Variants in GABBR2 observed in about 807,000 individuals in gnomAD.
GABBR2 encodes G-protein coupled receptor 51.
In GABBR2, 23 loss-of-function variants were observed where a neutral mutation model predicts 105.6. The ratio of observed to expected loss-of-function variants is 0.22; its 90% CI spans 0.16 to 0.31. GABBR2 has a LOEUF of 0.31. Ranked by LOEUF, GABBR2 falls within the 10% of genes least tolerant of loss-of-function variation. The pLI, the probability that GABBR2 is intolerant of heterozygous loss-of-function variation, is 1.00. For missense variants in GABBR2, 734 were observed against 1,245.5 expected, an observed-to-expected ratio of 0.59 and a Z score of 6.18; for synonymous variants, 478 against 499.7, an observed-to-expected ratio of 0.96 and a Z score of 0.58.
rs545658584 is a variant in GABBR2 at position 98,615,147 on chromosome 9, G to A, written c.322-37075C>T. Among the ~76,000 whole-genome samples, 3 of 152,320 alleles carry A rather than the reference G, an allele frequency of 2.0e-5. No individual in the cohort carries two copies. In the South Asian group the frequency reaches 6.2e-4, roughly 32 times the overall value. On this transcript the variant is annotated intron_variant, in intron 1 of 18. Transcript: ENST00000259455. ...TGCCTCTCTCACTTTATAGGCTCCT[G>A]AGGCAGGATGCCACCCAACTCACCC...
At chr9:98,552,313 G>A (rs574932257) in intron 2 of GABBR2, among the ~76,000 whole-genome samples, 1 of 152,296 alleles carries the variant, frequency 6.6e-6, no homozygotes, top group African/African-American at 2.4e-5. Flanking sequence ...TTCTCTGTTG[G>A]TTTAATCTTT....
At chr9:98,434,694 T>C (rs1426774366) in intron 7 of GABBR2, among the ~76,000 whole-genome samples, 2 of 152,160 alleles carry the variant, frequency 1.3e-5, no homozygotes, top group Admixed American at 6.5e-5. Context: ...TACTGAAGAC[T>C]GAGGTCACCG....
chr9:98,612,917 C>A (rs1355472374), intron 1 of GABBR2, among the ~76,000 whole-genome samples: 1 of 152,162 alleles, frequency 6.6e-6, no homozygotes, highest in Non-Finnish European at 1.5e-5. Flanking sequence ...CTATTTGAAG[C>A]AAAGGGTTGG....
intron 1 of GABBR2, among the ~76,000 whole-genome samples, chr9:98,621,351 C>T (rs1829668263): frequency 6.6e-6 from 1 of 152,224 alleles, no homozygotes; most frequent in Non-Finnish European, 1.5e-5. Context: ...ATGGCATCCA[C>T]ATCGTGTGGT....
At chr9:98,581,380 T>C (rs1439255502) in intron 1 of GABBR2, among the ~76,000 whole-genome samples, 2 of 152,092 alleles carry the variant, frequency 1.3e-5, no homozygotes, top group East Asian at 3.8e-4. Context: ...GGAGTTTGAA[T>C]ACTACAGATT....
At chr9:98,604,615 AT>A (rs1829385397) in intron 1 of GABBR2, among the ~76,000 whole-genome samples, 1 of 152,198 alleles carries the variant, frequency 6.6e-6, no homozygotes, top group Non-Finnish European at 1.5e-5. Context: ...TTACATATGC[AT>A]TTGTTTTTAA....
At chr9:98,404,745 C>T (rs1265618555) in intron 8 of GABBR2, among the ~76,000 whole-genome samples, 1 of 152,072 alleles carries the variant, frequency 6.6e-6, no homozygotes, top group East Asian at 1.9e-4. Flanking sequence ...AGAAATTGGT[C>T]TGGATGGTTT....
intron 7 of GABBR2, among the ~76,000 whole-genome samples, chr9:98,447,632 C>A (rs564605658): frequency 1.3e-5 from 2 of 151,354 alleles, no homozygotes; most frequent in Admixed American, 1.3e-4. Flanking sequence ...CACAGTAGGG[C>A]GAGGCAACAG....
chr9:98,680,482 T>C (rs1432452260), intron 1 of GABBR2, among the ~76,000 whole-genome samples: 2 of 152,130 alleles, frequency 1.3e-5, no homozygotes, highest in Non-Finnish European at 2.9e-5. Flanking sequence ...ATTTTCTTTG[T>C]ATTTTTTTAG....
chr9:98,539,963 C>T (rs953893800), intron 3 of GABBR2, among the ~76,000 whole-genome samples: 4 of 151,558 alleles, frequency 2.6e-5, no homozygotes, highest in African/African-American at 9.7e-5. Context: ...AAAAGCAAGT[C>T]TCTCTAAATC....
In GABBR2 at chr9:98,339,903, TCTTTC is replaced by T. The variant is rs370921935; in HGVS notation, c.1893+22807_1893+22811del. ...GGCTGAATAGCAATACCTGGTTCTC[TCTTTC>T]CTTCTGGGCACACGGTAGGATTGCT... On this transcript the variant is annotated intron_variant, in intron 13 of 18. Transcript: ENST00000259455. 1.7e-3 allele frequency among the ~76,000 whole-genome samples: 264 copies of T among 152,288 alleles called. 3 individuals carry two copies. The highest frequency in any genetic ancestry group is 6.0e-3 in the African/African-American group (251 of 41,564).
chr9:98,311,973 G>C (rs1830643159), intron 13 of GABBR2, among the ~76,000 whole-genome samples: 1 of 152,216 alleles, frequency 6.6e-6, no homozygotes, highest in Non-Finnish European at 1.5e-5. Flanking sequence ...CCCAGGGAAT[G>C]AAACAACATC....
At chr9:98,613,355 G>A (rs115630659) in intron 1 of GABBR2, among the ~76,000 whole-genome samples, 4,567 of 152,048 alleles carry the variant, frequency 0.03, 70 homozygotes, top group African/African-American at 0.041. Context: ...CACAAGAATC[G>A]CGTGAGCCCA....
chr9:98,412,897 T>C (rs902604612), intron 7 of GABBR2, among the ~76,000 whole-genome samples: 1 of 152,228 alleles, frequency 6.6e-6, no homozygotes, highest in Non-Finnish European at 1.5e-5. Flanking sequence ...ACTCAGTCTA[T>C]CAGCATTGGA....
At chr9:98,569,786 C>T (rs1828801871) in intron 2 of GABBR2, among the ~76,000 whole-genome samples, 1 of 152,182 alleles carries the variant, frequency 6.6e-6, no homozygotes, top group Admixed American at 6.5e-5. Flanking sequence ...CGACCTCTGC[C>T]ATTCCATGAA....
At chr9:98,411,300 C>T (rs954606622) in intron 7 of GABBR2, among the ~76,000 whole-genome samples, 3 of 152,206 alleles carry the variant, frequency 2.0e-5, no homozygotes, top group African/African-American at 4.8e-5. Flanking sequence ...GGGTAACTTA[C>T]GGATAAAACC....
intron 3 of GABBR2, among the ~76,000 whole-genome samples, chr9:98,523,127 C>T (rs1827897349): frequency 6.6e-6 from 1 of 151,990 alleles, no homozygotes; most frequent in Non-Finnish European, 1.5e-5. Flanking sequence ...CATTTATATG[C>T]TTAACTACGC....
intron 4 of GABBR2, among the ~76,000 whole-genome samples, chr9:98,485,893 C>G (rs1827037483): frequency 6.6e-6 from 1 of 152,174 alleles, no homozygotes; most frequent in African/African-American, 2.4e-5. Flanking sequence ...GGGAGCCACT[C>G]CATGCCCCAC....
In GABBR2 at chr9:98,388,334, C is replaced by T. The variant is rs895442536; in HGVS notation, c.1529+520G>A. Reference sequence around the variant, plus strand: ...ATGAGGAGTTATCCGGAGGGTCATACGGGATGATGGAAGGGAGGGCTTCCT... The same window carrying T: ...ATGAGGAGTTATCCGGAGGGTCATATGGGATGATGGAAGGGAGGGCTTCCT... On this transcript the variant is annotated intron_variant, in intron 10 of 18. Coordinates refer to ENST00000259455, the MANE Select transcript of GABBR2 (RefSeq NM_005458.8). The surrounding 1 kb of genome is among the most constrained non-coding windows in gnomAD (Gnocchi z 4.4). 4.6e-5 allele frequency among the ~76,000 whole-genome samples: 7 copies of T among 152,088 alleles called. No individual in the cohort carries two copies. Among genetic ancestry groups the T allele is most frequent in the Admixed American group, 1.3e-4 (2 of 15,262 alleles).
Sources: allele counts gnomAD v4.1 joint callset (sites outside exome capture counted in the v4.1 genomes callset), GRCh38; gene constraint gnomAD v4.1.1; non-coding constraint Gnocchi (gnomAD v3.1); transcripts MANE v1.5; gene names NCBI Gene and HGNC (gene_info 2026-07-23, HGNC 2026-07-21).